CTNNA3: variants seen among roughly 807,000 people sequenced by gnomAD.
CTNNA3 encodes the protein catenin alpha 3, also known as catenin alpha-3.
CTNNA3 carries 76 observed loss-of-function variants against 95.7 expected under a neutral mutation model. The ratio of observed to expected loss-of-function variants is 0.79; its 90% CI spans 0.66 to 0.96. The LOEUF is 0.96. CTNNA3 is among the 40% of genes least tolerant of loss of function. The pLI is 0.00. For missense variants in CTNNA3, 1,191 were observed against 1,089.8 expected (o/e 1.09, Z -1.31); for synonymous variants, 431 against 374.4 (o/e 1.15, Z -1.74).
At chr10:66,711,365 A>C (rs545938131) in intron 9 of CTNNA3, among the ~76,000 whole-genome samples, 1 of 152,024 alleles carries the variant, frequency 6.6e-6, no homozygotes, top group Non-Finnish European at 1.5e-5. Flanking sequence ...ACATTAAAAA[A>C]CAGCTATATA....
intron 7 of CTNNA3, among the ~76,000 whole-genome samples, chr10:66,850,910 G>A (rs911776038): frequency 6.6e-5 from 10 of 152,036 alleles, no homozygotes; most frequent in Non-Finnish European, 1.2e-4. Context: ...TGCCATTGTA[G>A]CAACAATCAA....
chr10:67,333,829 T>C (rs963636312), intron 5 of CTNNA3, among the ~76,000 whole-genome samples: 1 of 152,070 alleles, frequency 6.6e-6, no homozygotes, highest in African/African-American at 2.4e-5. Context: ...CTTACTTTCA[T>C]CTCTCACATC....
At chr10:67,160,684 C>T (rs1341444880) in intron 7 of CTNNA3, among the ~76,000 whole-genome samples, 1 of 152,078 alleles carries the variant, frequency 6.6e-6, no homozygotes, top group Non-Finnish European at 1.5e-5. Context: ...GGTCTCCCTG[C>T]CTCAGCCTCT....
chr10:67,668,557 C>T (rs562487827), intron 1 of CTNNA3, among the ~76,000 whole-genome samples: 60 of 152,230 alleles, frequency 3.9e-4, no homozygotes, highest in African/African-American at 1.3e-3. Flanking sequence ...GGCTAGGCCA[C>T]GACAGTCCAT....
chr10:66,020,924 T>C (rs1338533014), intron 15 of CTNNA3, among the ~76,000 whole-genome samples: 2 of 152,044 alleles, frequency 1.3e-5, no homozygotes, highest in Admixed American at 6.6e-5. Flanking sequence ...CCGCCCTCCT[T>C]GGCCTCCCAA....
intron 13 of CTNNA3, among the ~76,000 whole-genome samples, chr10:66,174,752 T>C (rs1363731665): frequency 1.3e-5 from 2 of 152,038 alleles, no homozygotes; most frequent in Non-Finnish European, 2.9e-5. Flanking sequence ...CTGGAACCAA[T>C]CCCCCATGTA....
chr10:66,312,797 G>A (rs180706668), intron 12 of CTNNA3, among the ~76,000 whole-genome samples: 36 of 152,114 alleles, frequency 2.4e-4, no homozygotes, highest in African/African-American at 6.5e-4. Flanking sequence ...CACCCACCTC[G>A]GCCTCCCAAA....
intron 9 of CTNNA3, among the ~76,000 whole-genome samples, chr10:66,762,640 C>T (rs920924685): frequency 6.6e-6 from 1 of 151,488 alleles, no homozygotes; most frequent in African/African-American, 2.4e-5. Flanking sequence ...CCAAATTCTT[C>T]GGCCACTGTC....
At chr10:67,011,239 G>C (rs1264560411) in intron 7 of CTNNA3, among the ~76,000 whole-genome samples, 1 of 151,886 alleles carries the variant, frequency 6.6e-6, no homozygotes, top group African/African-American at 2.4e-5. Flanking sequence ...TACTCGGGAG[G>C]CTGAGGCAGG....
At chr10:66,514,607 C>T (rs1247077875) in intron 11 of CTNNA3, among the ~76,000 whole-genome samples, 1 of 152,084 alleles carries the variant, frequency 6.6e-6, no homozygotes, top group Non-Finnish European at 1.5e-5. Context: ...ATCTCCACCA[C>T]CACAGTTCTT....
chr10:66,538,075 G>C (rs1352167), intron 10 of CTNNA3, among the ~76,000 whole-genome samples: 99,628 of 151,890 alleles, frequency 0.66, 35,426 homozygotes, highest in Non-Finnish European at 0.8. Context: ...ATAACACACT[G>C]TTTCTCAGGG....
At chr10:66,147,545 C>T (rs1421506804) in intron 13 of CTNNA3, among the ~76,000 whole-genome samples, 1 of 150,232 alleles carries the variant, frequency 6.7e-6, no homozygotes, top group Non-Finnish European at 1.5e-5. Context: ...ACATAATACT[C>T]CATAGAATAA....
At chr10:66,734,736 G>A (rs189062406) in intron 9 of CTNNA3, among the ~76,000 whole-genome samples, 2,049 of 151,976 alleles carry the variant, frequency 0.013, 51 homozygotes, top group African/African-American at 0.047. Context: ...GGTGGCAGGC[G>A]CCTGTAATTC....
chr10:66,511,813 G>A (rs1840672818), intron 11 of CTNNA3, among the ~76,000 whole-genome samples: 1 of 151,962 alleles, frequency 6.6e-6, no homozygotes, highest in Non-Finnish European at 1.5e-5. Flanking sequence ...TCCATCTGCT[G>A]ATGAGAAGAA....
At chr10:66,701,891 T>C (rs1167240556) in intron 9 of CTNNA3, among the ~76,000 whole-genome samples, 4 of 152,162 alleles carry the variant, frequency 2.6e-5, no homozygotes, top group Admixed American at 2.6e-4. Context: ...ATATGCACCT[T>C]ATACCCATAG....
chr10:67,710,762 T>C (rs1353923881), intron 1 of CTNNA3, among the ~76,000 whole-genome samples: 3 of 152,188 alleles, frequency 2.0e-5, no homozygotes, highest in East Asian at 3.9e-4. Flanking sequence ...TGCTATTCTA[T>C]GGAAAATTAG....
chr10:66,252,427 C>G (rs1198594730), intron 13 of CTNNA3, among the ~76,000 whole-genome samples: 1 of 152,056 alleles, frequency 6.6e-6, no homozygotes, highest in Admixed American at 6.6e-5. Context: ...TTTCTTTAGT[C>G]AACAACTAGC....
At chr10:67,325,722 A>G (rs1236805143) in intron 5 of CTNNA3, among the ~76,000 whole-genome samples, 1 of 152,100 alleles carries the variant, frequency 6.6e-6, no homozygotes, top group Non-Finnish European at 1.5e-5. Context: ...TTTGGGGTGG[A>G]GAGTTCTGTA....
chr10:67,662,755 A>G (rs1012866854), intron 1 of CTNNA3, among the ~76,000 whole-genome samples: 3 of 152,170 alleles, frequency 2.0e-5, no homozygotes, highest in Non-Finnish European at 4.4e-5. Flanking sequence ...CATGTTGGGG[A>G]TATTCTATTT....
Sources: gnomAD v4.1 joint callset for allele counts (sites outside exome capture counted in the v4.1 genomes callset) on GRCh38, gnomAD v4.1.1 for gene constraint, MANE v1.5 for transcripts, NCBI Gene and HGNC (gene_info 2026-07-23, HGNC 2026-07-21) for gene names.